NAB1: variants seen among roughly 807,000 people sequenced by gnomAD.
NAB1 encodes NGFI-A binding protein 1, also known as NGFI-A-binding protein 1.
In NAB1, 25 loss-of-function variants were observed where a neutral mutation model predicts 49.9. The ratio of observed to expected loss-of-function variants is 0.50; its 90% CI spans 0.37 to 0.70. NAB1 has a LOEUF of 0.70. Ranked by LOEUF, NAB1 falls within the 30% of genes least tolerant of loss-of-function variation. The pLI, the probability that NAB1 is intolerant of heterozygous loss-of-function variation, is 0.00. For missense variants in NAB1, 489 were observed against 575.9 expected, an observed-to-expected ratio of 0.85 and a Z score of 1.54; for synonymous variants, 198 against 215.6, an observed-to-expected ratio of 0.92 and a Z score of 0.71.
At position 190,686,040 on chromosome 2, in the gene NAB1, A is replaced by G. The variant is rs1695588228; in HGVS notation, c.1258+402A>G. 6.6e-6 allele frequency among the ~76,000 whole-genome samples: 1 copy of G among 152,232 alleles called. No individual in the cohort carries two copies. Among genetic ancestry groups the G allele is most frequent in the African/African-American group, 2.4e-5 (1 of 41,448 alleles). On this transcript the variant is annotated intron_variant, in intron 8 of 9. Transcript: ENST00000337386. This position sits in a 1 kb window ranked among gnomAD's most constrained non-coding sequence, Gnocchi z 5.5. ...ATTTACAGCATTTGGTTCTTAAAAG[A>G]ATATGGTGACTGCATCTAAAGTGTT...
rs13421177 is a variant in NAB1, at chr2:190,672,312, G to A, written c.954-789G>A. 1.4e-3 allele frequency among the ~76,000 whole-genome samples: 207 copies of A among 152,180 alleles called. 1 individual carries two copies. The highest frequency in any genetic ancestry group is 2.4e-3 in the Non-Finnish European group (165 of 67,992). ...ACATAATATGTTTTGTTGATTCTGA[G>A]ATGTACTTTTTCACATTTTAACAAA... is the stretch of plus-strand genomic sequence containing the variant. On this transcript the variant is annotated intron_variant, in intron 5 of 9. Coordinates refer to ENST00000337386, the MANE Select transcript of NAB1 (RefSeq NM_005966.4).
Position 190,667,967 on chromosome 2 carries a change from C to CTT in NAB1, c.820-2358_820-2357insTT, listed in dbSNP as rs1694609364. On this transcript the variant is annotated intron_variant, in intron 4 of 9. Coordinates refer to ENST00000337386, the MANE Select transcript of NAB1 (RefSeq NM_005966.4). This position sits in a 1 kb window ranked among gnomAD's most constrained non-coding sequence, Gnocchi z 4.4. ...CTGTTAATAAAGAATTCCTGAAGTT[C>CTT]TAAGAACATGAAACATTGTAATGAG... 6.6e-6 allele frequency among the ~76,000 whole-genome samples: 1 copy of CTT among 152,026 alleles called. No individual in the cohort carries two copies. The highest frequency in any genetic ancestry group is 1.5e-5 in the Non-Finnish European group (1 of 67,974).
At chr2:190,673,473 A>AT (rs1310862171) in intron 6 of NAB1, among the ~76,000 whole-genome samples, 1 of 152,142 alleles carries the variant, frequency 6.6e-6, no homozygotes, top group Non-Finnish European at 1.5e-5. Context: ...AAATTCTGGG[A>AT]TTACAGGTGT....
In NAB1 at chr2:190,678,829, C is replaced by T. The variant is rs1695196323; in HGVS notation, c.1006-4909C>T. The stretch of plus-strand genomic sequence containing the variant: ...AACAGAAGCATTACAATATGCTATT[C>T]ATACAGAAAGTGTGATTAGAAAAAA... On this transcript the variant is annotated intron_variant, in intron 6 of 9. Transcript: ENST00000337386. The surrounding 1 kb of genome is among the most constrained non-coding windows in gnomAD (Gnocchi z 4.9). Among the ~76,000 whole-genome samples the T allele has an allele frequency of 6.6e-6, 1 of 152,186 alleles. No individual in the cohort carries two copies. Among genetic ancestry groups the T allele is most frequent in the South Asian group, 2.1e-4 (1 of 4,826 alleles).
In NAB1 at chr2:190,678,322, A is replaced by T. The variant is rs368023533; in HGVS notation, c.1005+5170A>T. On this transcript the variant is annotated intron_variant, in intron 6 of 9. Coordinates refer to ENST00000337386, the MANE Select transcript of NAB1 (RefSeq NM_005966.4). The surrounding 1 kb of genome is among the most constrained non-coding windows in gnomAD (Gnocchi z 4.9). Reference sequence around the variant, plus strand: ...ATTCAATTGGTAACCTTTCTTTTTCATTAAGAACACATTCAGTTCCATGAA... The same window carrying T: ...ATTCAATTGGTAACCTTTCTTTTTCTTTAAGAACACATTCAGTTCCATGAA... Among the ~76,000 whole-genome samples, 28 of 152,336 alleles carry T rather than the reference A, an allele frequency of 1.8e-4. 1 individual carries two copies. In the East Asian group the frequency reaches 3.7e-3, roughly 20 times the overall value.
chr2:190,658,982 A>G, intron 3 of NAB1, 176 bp from the exon 4 acceptor site: 1 of 532,966 alleles, frequency 1.9e-6, no homozygotes, highest in Non-Finnish European at 3.3e-6. Context: ...ACTGACCTAT[A>G]AGGTTTTTAG....
At position 190,690,412 on chromosome 2, in the gene NAB1, A is replaced by T; in HGVS notation, c.*79A>T. ...TCCATCATAGAAATAAGCCTTAATA[A>T]CCAGTGTTGCCTCATTCAGCTCAAA... On this transcript the variant is annotated 3_prime_UTR_variant, in exon 10 of 10. Coordinates refer to ENST00000337386, the MANE Select transcript of NAB1 (RefSeq NM_005966.4). 8.9e-7 allele frequency: 1 copy of T among 1,125,094 alleles called. No individual in the cohort carries two copies. Among genetic ancestry groups the T allele is most frequent in the Non-Finnish European group, 1.3e-6 (1 of 743,224 alleles). 69.7% of individuals were successfully genotyped at this position (1,125,094 alleles called of 1,614,324 possible). A position where few individuals can be genotyped will look rare whatever the true frequency, so the allele number is the denominator to read the frequency against.
rs1255475195 is a variant in NAB1, at chr2:190,651,936, G to T, written c.-197+1954G>T. On this transcript the variant is annotated intron_variant, in intron 2 of 9. Coordinates refer to ENST00000337386, the MANE Select transcript of NAB1 (RefSeq NM_005966.4). This position sits in a 1 kb window ranked among gnomAD's most constrained non-coding sequence, Gnocchi z 4.3. ...ACCCACTTGAGCATAATAGAAGATT[G>T]CTAGACCCTTTGCTTTGGATTTATT... Among the ~76,000 whole-genome samples the T allele has an allele frequency of 3.3e-5, 5 of 152,150 alleles. No individual in the cohort carries two copies. Among genetic ancestry groups the T allele is most frequent in the Non-Finnish European group, 2.9e-5 (2 of 68,030 alleles).
At position 190,659,803 on chromosome 2, in the gene NAB1, A is replaced by G. The variant is rs1039431814; in HGVS notation, c.627A>G (p.Thr209=). 5.0e-6 allele frequency: 8 copies of G among 1,614,188 alleles called. No homozygotes were observed. The highest frequency in any genetic ancestry group is 1.3e-5 in the African/African-American group (1 of 75,046). ...AGTGTGTGGAGCGGATGGCCCCCAC[A>G]CTGCCAAAAAGTGACTTGAATGAAG... The part of the protein sequence containing the change: ...VAECVERMAP[T]LPKSDLNEVK... The change falls in exon 4 of 10, where the codon ACA becomes ACG. Residue 209 remains threonine, a synonymous_variant. Transcript: ENST00000337386. The surrounding 1 kb of genome is among the most constrained non-coding windows in gnomAD (Gnocchi z 6.2).
chr2:190,668,592 A>G (rs990221199), intron 4 of NAB1, among the ~76,000 whole-genome samples: 1 of 152,204 alleles, frequency 6.6e-6, no homozygotes, highest in African/African-American at 2.4e-5. Flanking sequence ...GTAGATTACA[A>G]ATTTGTATGT....
At chr2:190,664,664 T>C (rs1694418444) in intron 4 of NAB1, among the ~76,000 whole-genome samples, 4 of 126,474 alleles carry the variant, frequency 3.2e-5, no homozygotes, top group Non-Finnish European at 6.4e-5. Context: ...ACTCCTGGGC[T>C]CAAGCGATCT....
chr2:190,678,846 TA>T lies in NAB1; in HGVS notation c.1006-4891del, dbSNP rs1465075170. 4.6e-5 allele frequency among the ~76,000 whole-genome samples: 7 copies of T among 152,200 alleles called. No individual in the cohort carries two copies. The highest frequency in any genetic ancestry group is 8.8e-5 in the Non-Finnish European group (6 of 68,022). On this transcript the variant is annotated intron_variant, in intron 6 of 9. Coordinates refer to ENST00000337386, the MANE Select transcript of NAB1 (RefSeq NM_005966.4). The surrounding 1 kb of genome is among the most constrained non-coding windows in gnomAD (Gnocchi z 4.9). ...ATGCTATTCATACAGAAAGTGTGATTAGAAAAAAGGAAAATGCACATGTGGG... is the reference window on the plus strand; with the variant it reads ...ATGCTATTCATACAGAAAGTGTGATTGAAAAAAGGAAAATGCACATGTGGG...
Position 190,652,403 on chromosome 2 carries a change from G to A in NAB1, c.-197+2421G>A, listed in dbSNP as rs1693712965. On this transcript the variant is annotated intron_variant, in intron 2 of 9. Coordinates refer to ENST00000337386, the MANE Select transcript of NAB1 (RefSeq NM_005966.4). This position sits in a 1 kb window ranked among gnomAD's most constrained non-coding sequence, Gnocchi z 4.2. Reference sequence around the variant, plus strand: ...GGTTGGTTAAGAATTTCCAGCCATTGTACGAAATGCTAGTATTTGCCTATT... The same window carrying A: ...GGTTGGTTAAGAATTTCCAGCCATTATACGAAATGCTAGTATTTGCCTATT... Among the ~76,000 whole-genome samples, 1 of 152,200 alleles carries A rather than the reference G, an allele frequency of 6.6e-6. No individual in the cohort carries two copies. The highest frequency in any genetic ancestry group is 6.5e-5 in the Admixed American group (1 of 15,284).
In NAB1 at chr2:190,659,148, T is replaced by G. The variant is rs772276682; in HGVS notation, c.-19-10T>G. 22 of 1,486,914 alleles carry G rather than the reference T, an allele frequency of 1.5e-5. No homozygotes were observed. The African/African-American group carries it at 2.7e-4, about 18-fold the overall frequency. The allele number at this position is 1,486,914 out of a possible 1,614,324, so 92.1% of individuals were successfully genotyped here. A position where few individuals can be genotyped will look rare whatever the true frequency, so the allele number is the denominator to read the frequency against. ...TGATGAGTTTTTACTTTTTTTTTTT[T>G]TTTTGGCAGGTTAAACCCATCCAGA... On this transcript the variant is annotated splice_polypyrimidine_tract_variant and intron_variant, in intron 3 of 9. Transcript: ENST00000337386. The surrounding 1 kb of genome is among the most constrained non-coding windows in gnomAD (Gnocchi z 6.2).
chr2:190,666,302 T>A lies in NAB1; in HGVS notation c.820-4024T>A, dbSNP rs1694514010. Among the ~76,000 whole-genome samples, 9 of 152,218 alleles carry A rather than the reference T, an allele frequency of 5.9e-5. No homozygotes were observed. The stretch of plus-strand genomic sequence containing the variant: ...ACAATCATTTAATTGTTGGAGATTA[T>A]AATTTTAACAACCTGTAAAGAAAGT... On this transcript the variant is annotated intron_variant, in intron 4 of 9. Coordinates refer to ENST00000337386, the MANE Select transcript of NAB1 (RefSeq NM_005966.4). This position sits in a 1 kb window ranked among gnomAD's most constrained non-coding sequence, Gnocchi z 5.6.
Position 190,652,559 on chromosome 2 carries a change from T to C in NAB1, c.-197+2577T>C, listed in dbSNP as rs1282922545. 6.6e-6 allele frequency among the ~76,000 whole-genome samples: 1 copy of C among 152,216 alleles called. No individual in the cohort carries two copies. The highest frequency in any genetic ancestry group is 1.9e-4 in the East Asian group (1 of 5,200). ...TTAAAATTTTAAGGTGTCTCTAAAA[T>C]TTTTTTCCAGCTTCATTCATTCCAT... On this transcript the variant is annotated intron_variant, in intron 2 of 9. Transcript: ENST00000337386. The surrounding 1 kb of genome is among the most constrained non-coding windows in gnomAD (Gnocchi z 4.2).
intron 6 of NAB1, among the ~76,000 whole-genome samples, chr2:190,681,871 C>CTA (rs1695365889): frequency 6.6e-6 from 1 of 152,160 alleles, no homozygotes; most frequent in South Asian, 2.1e-4. Context: ...TACATTATTC[C>CTA]ATCTTTTTCT....
At chr2:190,660,280 C>T (rs906508259) in intron 4 of NAB1, among the ~76,000 whole-genome samples, 1 of 152,108 alleles carries the variant, frequency 6.6e-6, no homozygotes, top group African/African-American at 2.4e-5. Context: ...AAAGTCTTTG[C>T]ATTTGTAAGG....
At chr2:190,671,714 G>A (rs575329402) in intron 5 of NAB1, among the ~76,000 whole-genome samples, 1 of 150,234 alleles carries the variant, frequency 6.7e-6, no homozygotes, top group East Asian at 2.0e-4. Flanking sequence ...TGTTCCAGAG[G>A]CAACTGCCTT....
Sources: gnomAD v4.1 joint callset for allele counts (sites outside exome capture counted in the v4.1 genomes callset) on GRCh38, gnomAD v4.1.1 for gene constraint, Gnocchi (gnomAD v3.1) non-coding constraint, MANE v1.5 for transcripts, NCBI Gene and HGNC (gene_info 2026-07-23, HGNC 2026-07-21) for gene names.